The following SOX5 variants were observed in gnomAD, a reference collection of about 807,000 sequenced individuals.
SOX5 encodes the protein transcription factor SOX-5.
A neutral mutation model predicts 92.0 loss-of-function variants in SOX5; 9 were observed. That is an observed-to-expected ratio of 0.10 (90% CI 0.06 to 0.17). The LOEUF (loss-of-function observed/expected upper bound fraction) is 0.17. SOX5 is among the 10% of genes least tolerant of loss of function. SOX5 has a pLI of 1.00. For synonymous variants in SOX5, 344 were observed against 336.3 expected, an observed-to-expected ratio of 1.02 and a Z score of -0.25; for missense variants, 642 against 944.5, an observed-to-expected ratio of 0.68 and a Z score of 4.20.
intron 4 of SOX5, among the ~76,000 whole-genome samples, chr12:24,115,074 A>G (rs527810538): frequency 6.6e-6 from 1 of 152,370 alleles, no homozygotes; most frequent in South Asian, 2.1e-4. Flanking sequence ...GACGGAATGT[A>G]TAAGAGAAGA....
intron 4 of SOX5, among the ~76,000 whole-genome samples, chr12:24,105,947 T>G (rs1036277207): frequency 6.6e-6 from 1 of 152,288 alleles, no homozygotes; most frequent in East Asian, 1.9e-4. Flanking sequence ...CCTAATACTT[T>G]AGAATATCTT....
chr12:24,161,006 C>T (rs1002066094), intron 4 of SOX5, among the ~76,000 whole-genome samples: 1 of 152,048 alleles, frequency 6.6e-6, no homozygotes, highest in Non-Finnish European at 1.5e-5. Context: ...TCATTATCCT[C>T]ACTTTGCAGC....
At chr12:24,406,285 C>G (rs185623339) in intron 1 of SOX5, among the ~76,000 whole-genome samples, 1 of 152,040 alleles carries the variant, frequency 6.6e-6, no homozygotes, top group Non-Finnish European at 1.5e-5. Context: ...GGGAGTAGGG[C>G]GCTGAAGGAG....
chr12:23,662,142 T>C (rs1430466190), intron 7 of SOX5, among the ~76,000 whole-genome samples: 6 of 151,968 alleles, frequency 3.9e-5, no homozygotes, highest in African/African-American at 7.3e-5. Flanking sequence ...ATTATATATA[T>C]ACACACACAC....
At chr12:23,791,848 C>T (rs2095480306) in intron 3 of SOX5, among the ~76,000 whole-genome samples, 1 of 151,666 alleles carries the variant, frequency 6.6e-6, no homozygotes. Flanking sequence ...AAAGTGATAC[C>T]TATTTCAAAT....
chr12:23,855,655 G>A (rs889030027), intron 2 of SOX5, among the ~76,000 whole-genome samples: 1 of 151,850 alleles, frequency 6.6e-6, no homozygotes, highest in Non-Finnish European at 1.5e-5. Flanking sequence ...TTTTCTTACA[G>A]GAAAAATATG....
chr12:24,511,734 G>A (rs372911948), intron 1 of SOX5, among the ~76,000 whole-genome samples: 5 of 152,012 alleles, frequency 3.3e-5, no homozygotes, highest in Non-Finnish European at 4.4e-5. Flanking sequence ...TGAGGTGGGC[G>A]GATCACAAGG....
chr12:24,036,549 G>A (rs796691812), intron 4 of SOX5, among the ~76,000 whole-genome samples: 1 of 151,930 alleles, frequency 6.6e-6, no homozygotes, highest in Non-Finnish European at 1.5e-5. Flanking sequence ...ATGGAACTAA[G>A]TAATAAGCTG....
intron 1 of SOX5, among the ~76,000 whole-genome samples, chr12:24,398,912 A>C (rs1960776467): frequency 6.6e-6 from 1 of 152,122 alleles, no homozygotes; most frequent in Non-Finnish European, 1.5e-5. Flanking sequence ...CGGGCTCCAC[A>C]CCTGTGTCAG....
chr12:23,900,785 C>A lies in SOX5; in HGVS notation c.39-4761G>T, dbSNP rs986006634. On this transcript the variant is annotated intron_variant, in intron 1 of 14. Transcript: ENST00000451604. ...GGTCAGCCCAGCCAACATGGTGAAACCCCATCTCTACTGAAATACAAAAAA... is the reference window on the plus strand; with the variant it reads ...GGTCAGCCCAGCCAACATGGTGAAAACCCATCTCTACTGAAATACAAAAAA... Among the ~76,000 whole-genome samples, 4 of 152,034 alleles carry A rather than the reference C, an allele frequency of 2.6e-5. No individual in the cohort carries two copies. The South Asian group carries it at 8.3e-4, about 32-fold the overall frequency.
At chr12:24,467,542 G>A (rs529740905) in intron 1 of SOX5, among the ~76,000 whole-genome samples, 36 of 152,274 alleles carry the variant, frequency 2.4e-4, no homozygotes, top group African/African-American at 6.3e-4. Flanking sequence ...AAATTGGTAC[G>A]TGCAGGAACC....
chr12:24,426,014 G>GA (rs1966699384), intron 1 of SOX5, among the ~76,000 whole-genome samples: 2 of 151,866 alleles, frequency 1.3e-5, no homozygotes, highest in African/African-American at 4.8e-5. Flanking sequence ...ATGGTCAACC[G>GA]AAAAAAACAA....
intron 4 of SOX5, among the ~76,000 whole-genome samples, chr12:23,745,458 T>G (rs2093950203): frequency 6.6e-6 from 1 of 152,108 alleles, no homozygotes; most frequent in Non-Finnish European, 1.5e-5. Context: ...CTCCAATTGC[T>G]CCCCATTGGC....
intron 3 of SOX5, among the ~76,000 whole-genome samples, chr12:24,264,647 T>C (rs536612531): frequency 6.6e-6 from 1 of 152,298 alleles, no homozygotes; most frequent in African/African-American, 2.4e-5. Flanking sequence ...ATTAAGGCAT[T>C]TGGTTACAAA....
At chr12:23,882,012 G>T (rs1299548604) in intron 2 of SOX5, among the ~76,000 whole-genome samples, 1 of 152,108 alleles carries the variant, frequency 6.6e-6, no homozygotes, top group East Asian at 1.9e-4. Context: ...ACAAGTCAAG[G>T]TTTTACCCTC....
At chr12:24,173,353 C>T (rs6487375) in intron 4 of SOX5, among the ~76,000 whole-genome samples, 149,704 of 152,356 alleles carry the variant, frequency 0.98, 73,575 homozygotes, top group East Asian at 1. Flanking sequence ...ACTGGACAGA[C>T]TGATGTGACA....
intron 4 of SOX5, among the ~76,000 whole-genome samples, chr12:24,006,378 G>A (rs1306971908): frequency 1.3e-5 from 2 of 152,134 alleles, no homozygotes; most frequent in African/African-American, 2.4e-5. Flanking sequence ...TACTTGTGGG[G>A]TTCCATTATC....
At chr12:23,871,910 T>C (rs1003592300) in intron 2 of SOX5, among the ~76,000 whole-genome samples, 1 of 152,062 alleles carries the variant, frequency 6.6e-6, no homozygotes, top group Non-Finnish European at 1.5e-5. Context: ...TATCTTTTCT[T>C]TCCTGTGATT....
chr12:24,125,006 CTGA>C (rs1192520446), intron 4 of SOX5, among the ~76,000 whole-genome samples: 1 of 152,070 alleles, frequency 6.6e-6, no homozygotes, highest in Non-Finnish European at 1.5e-5. Context: ...GAGCCATTTT[CTGA>C]TGATTATAAA....
Sources: gnomAD v4.1 joint callset for allele counts (sites outside exome capture counted in the v4.1 genomes callset) on GRCh38, gnomAD v4.1.1 for gene constraint, MANE v1.5 for transcripts, NCBI Gene and HGNC (gene_info 2026-07-23, HGNC 2026-07-21) for gene names.